Variants in KAZN observed in about 807,000 individuals in gnomAD.
KAZN encodes the protein kazrin.
KAZN carries 40 observed loss-of-function variants against 87.4 expected under a neutral mutation model. The ratio of observed to expected loss-of-function variants is 0.46; its 90% CI spans 0.36 to 0.60. The LOEUF is 0.60. Ranked by LOEUF, KAZN falls within the 20% of genes least tolerant of loss-of-function variation. The pLI is 0.00. For synonymous variants in KAZN, 466 were observed against 458.3 expected, an observed-to-expected ratio of 1.02 and a Z score of -0.22; for missense variants, 898 against 1,073.9, an observed-to-expected ratio of 0.84 and a Z score of 2.29.
chr1:14,892,722 A>G (rs751365899), intron 1 of KAZN, among the ~76,000 whole-genome samples: 1 of 152,098 alleles, frequency 6.6e-6, no homozygotes, highest in Non-Finnish European at 1.5e-5. Context: ...ATGTCCTCAG[A>G]CTTGGGCAGG....
At chr1:15,074,449 A>T (rs1344161914) in intron 8 of KAZN, among the ~76,000 whole-genome samples, 8 of 151,592 alleles carry the variant, frequency 5.3e-5, no homozygotes, top group Non-Finnish European at 1.5e-5. Flanking sequence ...TGAAGGAGTC[A>T]CTCCTCATGG....
chr1:14,819,832 C>T (rs1249204425), intron 1 of KAZN, among the ~76,000 whole-genome samples: 1 of 151,554 alleles, frequency 6.6e-6, no homozygotes, highest in African/African-American at 2.4e-5. Context: ...CTCAACCTCC[C>T]GAGTAGCTGG....
chr1:14,080,500 TGCTG>T (rs754265695), intron 1 of KAZN, among the ~76,000 whole-genome samples: 54 of 144,020 alleles, frequency 3.7e-4, no homozygotes, highest in South Asian at 3.1e-3. Context: ...AGAGAGATTT[TGCTG>T]TATTTGTTGC....
rs533463431 is a variant in KAZN at position 14,476,405 on chromosome 1, A to G, written c.250-122578A>G. On this transcript the variant is annotated intron_variant, in intron 2 of 16. Coordinates refer to the KAZN transcript ENST00000636203. ...TGTTCCTTGGGCAATAATGGATGATACCATAAATGGCATGTCACAGAACAG... is the reference window on the plus strand; with the variant it reads ...TGTTCCTTGGGCAATAATGGATGATGCCATAAATGGCATGTCACAGAACAG... 2.3e-3 allele frequency among the ~76,000 whole-genome samples: 356 copies of G among 152,294 alleles called. 1 individual carries two copies. The highest frequency in any genetic ancestry group is 6.8e-3 in the Middle Eastern group (2 of 294).
intron 1 of KAZN, among the ~76,000 whole-genome samples, chr1:14,725,455 GCTGT>G (rs1643331489): frequency 8.7e-6 from 1 of 114,468 alleles, no homozygotes; most frequent in Non-Finnish European, 1.9e-5. Flanking sequence ...TGAGGGTGGA[GCTGT>G]CTTTTTTTTT....
intron 1 of KAZN, among the ~76,000 whole-genome samples, chr1:14,718,333 T>G (rs1431676840): frequency 6.6e-6 from 1 of 152,226 alleles, no homozygotes; most frequent in Non-Finnish European, 1.5e-5. Context: ...CCCTCGGGAC[T>G]CCACTCAGCA....
intron 1 of KAZN, among the ~76,000 whole-genome samples, chr1:14,796,613 G>A (rs1463021115): frequency 3.3e-5 from 5 of 152,206 alleles, no homozygotes; most frequent in African/African-American, 9.7e-5. Context: ...TGCATGGTTC[G>A]GCTCAGCTCT....
At chr1:14,222,833 ATAT>A (rs1268647308) in intron 2 of KAZN, among the ~76,000 whole-genome samples, 2 of 152,202 alleles carry the variant, frequency 1.3e-5, no homozygotes, top group Non-Finnish European at 2.9e-5. Flanking sequence ...GAATCTGCAA[ATAT>A]TATGATGAAT....
intron 1 of KAZN, among the ~76,000 whole-genome samples, chr1:14,085,956 C>T (rs950505567): frequency 6.6e-6 from 1 of 152,080 alleles, no homozygotes; most frequent in African/African-American, 2.4e-5. Context: ...AAGTGATACC[C>T]CATAGTGGTT....
chr1:14,356,910 C>T (rs1469475321), intron 2 of KAZN, among the ~76,000 whole-genome samples: 1 of 152,092 alleles, frequency 6.6e-6, no homozygotes, highest in Non-Finnish European at 1.5e-5. Flanking sequence ...ACTATACGGG[C>T]TCTTTTTTGG....
intron 1 of KAZN, among the ~76,000 whole-genome samples, chr1:14,930,957 G>C (rs1481710774): frequency 6.6e-6 from 1 of 152,110 alleles, no homozygotes; most frequent in Non-Finnish European, 1.5e-5. Flanking sequence ...GGCTCCTGAC[G>C]GGAGACTCCC....
chr1:14,550,250 A>G (rs1238907750), intron 2 of KAZN, among the ~76,000 whole-genome samples: 1 of 152,236 alleles, frequency 6.6e-6, no homozygotes, highest in African/African-American at 2.4e-5. Flanking sequence ...GCACACAATA[A>G]ACAAGAAAAC....
chr1:14,938,542 CAAAAAAA>C (rs35014105), intron 1 of KAZN, among the ~76,000 whole-genome samples: 3 of 107,894 alleles, frequency 2.8e-5, no homozygotes, highest in Non-Finnish European at 6.0e-5. Flanking sequence ...AACTCCATCT[CAAAAAAA>C]AAAAAAAAAA....
At chr1:14,213,297 G>C (rs577233303) in intron 2 of KAZN, among the ~76,000 whole-genome samples, 12 of 152,142 alleles carry the variant, frequency 7.9e-5, no homozygotes, top group African/African-American at 2.7e-4. Flanking sequence ...TCCTTCTCTC[G>C]TGCTACTAAG....
At chr1:14,217,033 A>T (rs1326689181) in intron 2 of KAZN, among the ~76,000 whole-genome samples, 1 of 152,248 alleles carries the variant, frequency 6.6e-6, no homozygotes, top group African/African-American at 2.4e-5. Context: ...CATTATAACA[A>T]TATTAAGTAG....
At chr1:15,095,606 CA>C (rs368741855) in intron 10 of KAZN, among the ~76,000 whole-genome samples, 17 of 151,456 alleles carry the variant, frequency 1.1e-4, no homozygotes, top group African/African-American at 4.1e-4. Flanking sequence ...CCCCCACCCC[CA>C]CCCCGCCCCA....
chr1:14,983,409 A>C lies in KAZN; in HGVS notation c.418+22534A>C, dbSNP rs190146572. Among the ~76,000 whole-genome samples, 6 of 152,300 alleles carry C rather than the reference A, an allele frequency of 3.9e-5. No individual in the cohort carries two copies. In the East Asian group the frequency reaches 1.2e-3, roughly 29 times the overall value. ...AACCCTGAGATATCGTTGCTCGCCT[A>C]TCAGGTTGGCAAAACCCCTAAAGTA... On this transcript the variant is annotated intron_variant, in intron 2 of 14. Coordinates refer to ENST00000376030, the MANE Select transcript of KAZN (RefSeq NM_201628.3).
At chr1:14,445,480 C>G (rs144484527) in intron 2 of KAZN, among the ~76,000 whole-genome samples, 1,823 of 152,258 alleles carry the variant, frequency 0.012, 21 homozygotes, top group Non-Finnish European at 0.021. Context: ...GGGAGAGAGG[C>G]TGGAATTGAT....
intron 2 of KAZN, among the ~76,000 whole-genome samples, chr1:14,526,265 A>G (rs1414693867): frequency 6.6e-6 from 1 of 152,188 alleles, no homozygotes; most frequent in Admixed American, 6.5e-5. Context: ...CAGATGTGCC[A>G]ATCATTTCCC....
Sources: allele counts gnomAD v4.1 joint callset (sites outside exome capture counted in the v4.1 genomes callset), GRCh38; gene constraint gnomAD v4.1.1; transcripts MANE v1.5; gene names NCBI Gene and HGNC (gene_info 2026-07-23, HGNC 2026-07-21).